Variants in GSG1L observed in about 807,000 individuals in gnomAD.
The protein encoded by GSG1L is germ cell-specific gene 1-like protein.
A neutral mutation model predicts 42.1 loss-of-function variants in GSG1L; 24 were observed. The observed-to-expected ratio is 0.57, with a 90% CI of 0.41 to 0.80. GSG1L has a LOEUF of 0.80. Among genes scored for constraint, GSG1L ranks in the 30% least tolerant of loss-of-function variants. GSG1L has a pLI of 0.00. For synonymous variants in GSG1L, 215 were observed against 203.5 expected (o/e 1.06, Z -0.48); for missense variants, 445 against 472.2 (o/e 0.94, Z 0.53).
chr16:27,849,203 G>GA (rs1203275567), intron 3 of GSG1L, among the ~76,000 whole-genome samples: 51 of 79,910 alleles, frequency 6.4e-4, no homozygotes, highest in East Asian at 2.9e-3. Flanking sequence ...ATCCCAAAAA[G>GA]AAAAAAAAAA....
chr16:27,820,620 G>A (rs1255735240), intron 5 of GSG1L, among the ~76,000 whole-genome samples: 1 of 152,170 alleles, frequency 6.6e-6, no homozygotes, highest in Non-Finnish European at 1.5e-5. Context: ...CCAGGTTGAG[G>A]TCACCCCTTC....
rs1200083457 is a variant in GSG1L, at chr16:28,063,390, G to A, written c.35C>T (p.Ala12Val). 7.4e-7 allele frequency: 1 copy of A among 1,354,368 alleles called. No homozygotes were observed. The highest frequency in any genetic ancestry group is 9.6e-7 in the Non-Finnish European group (1 of 1,043,932). The allele number at this position is 1,354,368 out of a possible 1,614,324, so 83.9% of individuals were successfully genotyped here. A position where few individuals can be genotyped will look rare whatever the true frequency, so the allele number is the denominator to read the frequency against. Residue 12 changes from alanine (A) to valine (V), a missense_variant, in exon 1 of 7, where the codon GCC becomes GTC. Transcript: ENST00000447459. The surrounding 1 kb of genome is among the most constrained non-coding windows in gnomAD (Gnocchi z 5.8). ...CAGCGCCAGCAGGTTCAGGGCCACG[G>A]CCAGGAGCGCTCGGCCGCGGCGGCT... ...KTSRRGRALL[A>V]VALNLLALLF...
chr16:28,042,933 G>A (rs1369174334), intron 1 of GSG1L, among the ~76,000 whole-genome samples: 1 of 152,192 alleles, frequency 6.6e-6, no homozygotes, highest in African/African-American at 2.4e-5. Context: ...GGGCTGAAAA[G>A]GAGCTAAAAA....
intron 1 of GSG1L, among the ~76,000 whole-genome samples, chr16:27,979,734 A>AG (rs1307082627): frequency 9.0e-5 from 6 of 66,722 alleles, no homozygotes; most frequent in African/African-American, 1.7e-4. Flanking sequence ...AAGGAAAGAA[A>AG]AAGAAAGAAA....
chr16:27,987,549 TA>T (rs2085398713), intron 1 of GSG1L, among the ~76,000 whole-genome samples: 1 of 152,192 alleles, frequency 6.6e-6, no homozygotes, highest in South Asian at 2.1e-4. Context: ...TTGAGCTTTA[TA>T]GTTGGTGTGT....
intron 2 of GSG1L, among the ~76,000 whole-genome samples, chr16:27,961,366 A>C (rs1438273715): frequency 6.6e-6 from 1 of 151,500 alleles, no homozygotes; most frequent in Non-Finnish European, 1.5e-5. Flanking sequence ...AGGCCTTGGG[A>C]ATTATGGGAT....
chr16:27,864,604 T>C (rs148261776), intron 3 of GSG1L, among the ~76,000 whole-genome samples: 1 of 152,320 alleles, frequency 6.6e-6, no homozygotes, highest in Non-Finnish European at 1.5e-5. Flanking sequence ...AGAGATGACA[T>C]TACAGAATGA....
At position 27,884,588 on chromosome 16, in the gene GSG1L, C is replaced by T. The variant is rs1486678964; in HGVS notation, c.448G>A (p.Val150Met). The change falls in exon 3 of 7, where the codon GTG (valine) becomes ATG (methionine). Residue 150 changes from valine (V) to methionine (M), a missense_variant. By Grantham distance (21) the Val-to-Met change is conservative. Coordinates refer to ENST00000447459, the MANE Select transcript of GSG1L (RefSeq NM_001109763.2). This position sits in a 1 kb window ranked among gnomAD's most constrained non-coding sequence, Gnocchi z 4.4. ...VSEVLYILLLVVGFSLMCLEL... is the reference protein window; with the variant it reads ...VSEVLYILLLMVGFSLMCLEL... ...AGACACATGAGGCTGAAGCCAACCACCAGCAGCAGAATGTACAGCACCTCG... is the reference window on the plus strand; with the variant it reads ...AGACACATGAGGCTGAAGCCAACCATCAGCAGCAGAATGTACAGCACCTCG... 6.2e-7 allele frequency: 1 copy of T among 1,611,756 alleles called. No individual in the cohort carries two copies. Among genetic ancestry groups the T allele is most frequent in the African/African-American group, 1.3e-5 (1 of 74,894 alleles).
At chr16:27,928,044 A>T (rs967668707) in intron 2 of GSG1L, among the ~76,000 whole-genome samples, 1 of 152,218 alleles carries the variant, frequency 6.6e-6, no homozygotes, top group Admixed American at 6.5e-5. Context: ...CCACTAGACG[A>T]TACGTTCCAT....
At chr16:27,963,309 C>G (rs2085092407) in intron 1 of GSG1L, 106 bp from the exon 2 acceptor site, 1 of 939,964 alleles carries the variant, frequency 1.1e-6, no homozygotes, top group South Asian at 1.4e-5. Flanking sequence ...TGTCTCTGAC[C>G]CAAGCCCAGT....
chr16:27,885,674 C>T (rs1193285236), intron 2 of GSG1L, among the ~76,000 whole-genome samples: 4 of 152,194 alleles, frequency 2.6e-5, no homozygotes, highest in Non-Finnish European at 5.9e-5. Context: ...TTATAACTGA[C>T]CAATCAAAGT....
At chr16:27,822,290 G>C (rs1238885716) in intron 5 of GSG1L, among the ~76,000 whole-genome samples, 1 of 152,166 alleles carries the variant, frequency 6.6e-6, no homozygotes, top group Non-Finnish European at 1.5e-5. Flanking sequence ...TTCCAACCCT[G>C]GTCTATTTCT....
chr16:27,868,812 G>A (rs1405259363), intron 3 of GSG1L, among the ~76,000 whole-genome samples: 3 of 152,072 alleles, frequency 2.0e-5, no homozygotes, highest in Admixed American at 1.3e-4. Flanking sequence ...TCGTCTGCCC[G>A]TCTGCTGCCC....
At chr16:27,936,020 T>C (rs1289666039) in intron 2 of GSG1L, among the ~76,000 whole-genome samples, 2 of 150,950 alleles carry the variant, frequency 1.3e-5, no homozygotes, top group Non-Finnish European at 2.9e-5. Context: ...TAAGACCCCT[T>C]CATCCCAGGA....
At position 27,844,931 on chromosome 16, in the gene GSG1L, G is replaced by T; in HGVS notation, c.662+19C>A. 6.8e-7 allele frequency: 1 copy of T among 1,471,698 alleles called. No homozygotes were observed. Among genetic ancestry groups the T allele is most frequent in the Non-Finnish European group, 9.3e-7 (1 of 1,071,994 alleles). The allele number at this position is 1,471,698 out of a possible 1,614,324, so 91.2% of individuals were successfully genotyped here. ...GGCCCTGGTGCCTGAAGCTGCTCTT[G>T]TCCTGAAGGTCCACTTACCAGAAGG... On this transcript the variant is annotated intron_variant, in intron 4 of 6. Coordinates refer to ENST00000447459, the MANE Select transcript of GSG1L (RefSeq NM_001109763.2).
At chr16:28,023,218 TTCTC>T (rs1172794815) in intron 1 of GSG1L, among the ~76,000 whole-genome samples, 2 of 152,222 alleles carry the variant, frequency 1.3e-5, no homozygotes, top group Non-Finnish European at 2.9e-5. Flanking sequence ...CATTCTATCT[TTCTC>T]TCTTCTATCT....
intron 2 of GSG1L, among the ~76,000 whole-genome samples, chr16:27,934,974 G>A (rs898553520): frequency 1.3e-5 from 2 of 152,224 alleles, no homozygotes; most frequent in African/African-American, 4.8e-5. Flanking sequence ...CCCTTGTGGA[G>A]TTCAAGGTCT....
intron 2 of GSG1L, among the ~76,000 whole-genome samples, chr16:27,904,754 C>T (rs777220526): frequency 5.3e-5 from 8 of 152,120 alleles, no homozygotes; most frequent in Non-Finnish European, 7.4e-5. Flanking sequence ...GATGGAAACA[C>T]GATTACAAGA....
Position 27,791,428 on chromosome 16 carries a change from G to A in GSG1L, c.938C>T (p.Ser313Phe). The change falls in exon 7 of 7, where the codon TCC (serine) becomes TTC (phenylalanine). Residue 313 changes from serine (S) to phenylalanine (F), a missense_variant. By Grantham distance (155) the Ser-to-Phe change is radical. Coordinates refer to ENST00000447459, the MANE Select transcript of GSG1L (RefSeq NM_001109763.2). Reference protein sequence around the residue: ...PHMADSWPRSSAQEAPELNRQ... With the variant: ...PHMADSWPRSFAQEAPELNRQ... ...GTTCAGCTCTGGTGCTTCCTGTGCG[G>A]AGCTCCGGGGCCAGGAATCCGCCAT... 1 of 1,523,094 alleles carries A rather than the reference G, an allele frequency of 6.6e-7. No homozygotes were observed. 94.3% of individuals were successfully genotyped at this position (1,523,094 alleles called of 1,614,324 possible). A position where few individuals can be genotyped will look rare whatever the true frequency, so the allele number is the denominator to read the frequency against.
Sources: allele counts gnomAD v4.1 joint callset (sites outside exome capture counted in the v4.1 genomes callset), GRCh38; gene constraint gnomAD v4.1.1; non-coding constraint Gnocchi (gnomAD v3.1); transcripts MANE v1.5; gene names NCBI Gene and HGNC (gene_info 2026-07-23, HGNC 2026-07-21).